POLR3H: variants seen among roughly 807,000 people sequenced by gnomAD.
POLR3H encodes DNA-directed RNA polymerase III subunit RPC8.
Under a neutral mutation model 25.5 loss-of-function variants are expected in POLR3H, and 17 were observed. That is an observed-to-expected ratio of 0.67 (90% CI 0.46 to 1.00). The LOEUF is 1.00. Ranked by LOEUF, POLR3H falls within the 50% of genes least tolerant of loss-of-function variation. The pLI is 0.00. For synonymous variants in POLR3H, 129 were observed against 103.0 expected, an observed-to-expected ratio of 1.25 and a Z score of -1.53; for missense variants, 274 against 265.0, an observed-to-expected ratio of 1.03 and a Z score of -0.24.
chr22:41,544,167 G>A lies in POLR3H; in HGVS notation c.-66C>T, dbSNP rs2066980469. 1.0e-6 allele frequency: 1 copy of A among 977,802 alleles called. No individual in the cohort carries two copies. Among genetic ancestry groups the A allele is most frequent in the South Asian group, 1.5e-5 (1 of 68,250 alleles). The allele number at this position is 977,802 out of a possible 1,614,324, so 60.6% of individuals were successfully genotyped here. On this transcript the variant is annotated 5_prime_UTR_variant, in exon 1 of 6. Transcript: ENST00000355209. ...CACGCACCAGGGCCGGGGGCAGGGA[G>A]AATCCCCGAGCCCCTTGGTCCCGTC...
At chr22:41,540,147 C>T (rs1449585481) in intron 2 of POLR3H, 1 of 222,286 alleles carries the variant, frequency 4.5e-6, no homozygotes, top group Non-Finnish European at 9.1e-6. Flanking sequence ...CACACTCTTA[C>T]CTACTGTGTC....
In POLR3H at chr22:41,532,639, G is replaced by A. The variant is rs142034191; in HGVS notation, c.295+20C>T. 4 of 1,613,974 alleles carry A rather than the reference G, an allele frequency of 2.5e-6. No individual in the cohort carries two copies. The South Asian group carries it at 3.3e-5, about 13-fold the overall frequency. On this transcript the variant is annotated intron_variant, in intron 3 of 5. Transcript: ENST00000355209. ...CACAGTGTTCCCAAGTCTTGTCTGA[G>A]GCGTCAGGGCCACTGTTACCGTGCA...
At position 41,526,234 on chromosome 22, in the gene POLR3H, C is replaced by A; in HGVS notation, c.*3049G>T. The A allele has an allele frequency of 2.5e-6, 4 of 1,602,008 alleles. No homozygotes were observed. Among genetic ancestry groups the A allele is most frequent in the Non-Finnish European group, 3.4e-6 (4 of 1,172,920 alleles). ...CCACCCCTCCAGGGCCATGCCCTGA[C>A]CTCTGTCCTCTCTACTTACCACCCA... is the stretch of plus-strand genomic sequence containing the variant. On this transcript the variant is annotated 3_prime_UTR_variant, in exon 6 of 6. Coordinates refer to ENST00000355209, the MANE Select transcript of POLR3H (RefSeq NM_001018050.4).
At position 41,528,427 on chromosome 22, in the gene POLR3H, C is replaced by A; in HGVS notation, c.*856G>T. On this transcript the variant is annotated 3_prime_UTR_variant, in exon 6 of 6. Transcript: ENST00000355209. ...TGTCTCCCTGACCCCCCTGCGGGGC[C>A]AAGGGCACACAGTACCCACCACTTC... 1 of 1,596,128 alleles carries A rather than the reference C, an allele frequency of 6.3e-7. No individual in the cohort carries two copies. The highest frequency in any genetic ancestry group is 8.5e-7 in the Non-Finnish European group (1 of 1,171,958).
Position 41,531,884 on chromosome 22 carries a change from G to A in POLR3H, c.359+210C>T, listed in dbSNP as rs544180933. On this transcript the variant is annotated intron_variant, in intron 4 of 5. Transcript: ENST00000355209. ...CCAGACAGCCAAGCCTGATGGCCCC[G>A]ACAAAGACAGGCATGTGGGCATCAC... 2.3e-3 allele frequency among the ~76,000 whole-genome samples: 355 copies of A among 152,306 alleles called. 2 individuals carry two copies. The highest frequency in any genetic ancestry group is 8.0e-3 in the African/African-American group (332 of 41,570).
intron 2 of POLR3H, among the ~76,000 whole-genome samples, chr22:41,537,748 G>A (rs548268043): frequency 4.5e-4 from 69 of 152,268 alleles, no homozygotes; most frequent in Non-Finnish European, 7.8e-4. Context: ...CAGGACAGAT[G>A]AGGGTGGGGG....
At position 41,530,170 on chromosome 22, in the gene POLR3H, C is replaced by T. The variant is rs1488377664; in HGVS notation, c.561+517G>A. Among the ~76,000 whole-genome samples, 3 of 152,034 alleles carry T rather than the reference C, an allele frequency of 2.0e-5. No individual in the cohort carries two copies. In the East Asian group the frequency reaches 5.8e-4, roughly 30 times the overall value. On this transcript the variant is annotated intron_variant, in intron 5 of 5. Coordinates refer to ENST00000355209, the MANE Select transcript of POLR3H (RefSeq NM_001018050.4). ...TTAAAGATAGCATTTCATTGTGTTGCCCAAGCTGTAATGCAGTGGCACAAC... is the reference window on the plus strand; with the variant it reads ...TTAAAGATAGCATTTCATTGTGTTGTCCAAGCTGTAATGCAGTGGCACAAC...
intron 1 of POLR3H, among the ~76,000 whole-genome samples, chr22:41,542,546 CCT>C (rs967172418): frequency 3.3e-5 from 5 of 152,166 alleles, no homozygotes; most frequent in African/African-American, 1.2e-4. Flanking sequence ...CTGCAGGTCC[CCT>C]CATTCCAGGG....
chr22:41,526,596 G>A lies in POLR3H; in HGVS notation c.*2687C>T. On this transcript the variant is annotated 3_prime_UTR_variant, in exon 6 of 6. Transcript: ENST00000355209. The stretch of plus-strand genomic sequence containing the variant: ...GGGACTGCTGTGGAAGGGAGGAGAG[G>A]CCTGCAGCCCCTCCCTGTGGCTGAG... 1 of 891,642 alleles carries A rather than the reference G, an allele frequency of 1.1e-6. No individual in the cohort carries two copies. The highest frequency in any genetic ancestry group is 1.6e-6 in the Non-Finnish European group (1 of 614,208). 55.2% of individuals were successfully genotyped at this position (891,642 alleles called of 1,614,324 possible).
At chr22:41,537,572 T>C (rs1390488594) in intron 2 of POLR3H, among the ~76,000 whole-genome samples, 1 of 152,178 alleles carries the variant, frequency 6.6e-6, no homozygotes, top group Admixed American at 6.5e-5. Context: ...AGGACTTTTA[T>C]AGCTGCAGGG....
At chr22:41,529,367 C>A in intron 5 of POLR3H, 31 bp from the exon 6 acceptor site, 1 of 1,609,540 alleles carries the variant, frequency 6.2e-7, no homozygotes, top group South Asian at 1.1e-5. Context: ...GCACATTTCA[C>A]TGACATGCTG....
intron 5 of POLR3H, among the ~76,000 whole-genome samples, chr22:41,529,945 T>C (rs181162436): frequency 0.016 from 2,449 of 151,716 alleles, 30 homozygotes; most frequent in South Asian, 0.032. Flanking sequence ...TTAGTAGAGA[T>C]GGGGTTTCAC....
intron 2 of POLR3H, among the ~76,000 whole-genome samples, chr22:41,537,996 C>T (rs755095737): frequency 3.2e-4 from 48 of 149,434 alleles, no homozygotes; most frequent in Non-Finnish European, 4.4e-4. Flanking sequence ...GATACAGTCT[C>T]ACCCTGTCGC....
At chr22:41,539,994 T>G (rs1433549456) in intron 2 of POLR3H, 1 of 165,650 alleles carries the variant, frequency 6.0e-6, no homozygotes, top group East Asian at 1.7e-4. Context: ...CACAATGGTC[T>G]TAGAATATAA....
rs549941196 is a variant in POLR3H at position 41,527,871 on chromosome 22, C to T, written c.*1412G>A. ...TGAAGCTCTCCAGGCTAGTCAGGCC[C>T]CCGATGACCGAATGCCGCCTGCTTT... On this transcript the variant is annotated 3_prime_UTR_variant, in exon 6 of 6. Coordinates refer to ENST00000355209, the MANE Select transcript of POLR3H (RefSeq NM_001018050.4). 9.0e-5 allele frequency: 145 copies of T among 1,614,084 alleles called. No homozygotes were observed. In the South Asian group the frequency reaches 1.5e-3, roughly 17 times the overall value.
rs766136622 is a variant in POLR3H, at chr22:41,527,911, G to A, written c.*1372C>T. 4 of 1,614,052 alleles carry A rather than the reference G, an allele frequency of 2.5e-6. No homozygotes were observed. The highest frequency in any genetic ancestry group is 1.3e-5 in the African/African-American group (1 of 74,918). On this transcript the variant is annotated 3_prime_UTR_variant, in exon 6 of 6. Coordinates refer to ENST00000355209, the MANE Select transcript of POLR3H (RefSeq NM_001018050.4). ...CCGCCTGCTTTCCAGAGACCAACCT[G>A]AAGAAACAGGGCCTGCTGCCTCTGA...
In POLR3H at chr22:41,540,716, C is replaced by T; in HGVS notation, c.191G>A (p.Gly64Asp). ...ATACCCACCTTTGGTGTGTGATGCG[C>T]CATCCCCAGGGAATACATAGGCATC... The part of the protein sequence containing the change: ...LEDAYVFPGD[G>D]ASHTKVHFRC... The change falls in exon 2 of 6, where the codon GGC (glycine) becomes GAC (aspartate). Residue 64 changes from glycine (G) to aspartate (D), a missense_variant. Gly to Asp is a moderately conservative substitution (Grantham distance 94). Transcript: ENST00000355209. 1 of 1,613,772 alleles carries T rather than the reference C, an allele frequency of 6.2e-7. No homozygotes were observed. Among genetic ancestry groups the T allele is most frequent in the Non-Finnish European group, 8.5e-7 (1 of 1,179,684 alleles).
chr22:41,536,143 A>G (rs2066840822), intron 2 of POLR3H, among the ~76,000 whole-genome samples: 1 of 150,576 alleles, frequency 6.6e-6, no homozygotes, highest in African/African-American at 2.4e-5. Flanking sequence ...CTGTAATCCC[A>G]GCACTTTGGG....
chr22:41,528,299 G>A lies in POLR3H; in HGVS notation c.*984C>T, dbSNP rs2066646699. On this transcript the variant is annotated 3_prime_UTR_variant, in exon 6 of 6. Transcript: ENST00000355209. ...CACTGCAGGACCCTCTGGGCCCCAG[G>A]AATCCCCTGTAGGTGCCACCTGGGT... The A allele has an allele frequency of 3.2e-6, 3 of 942,986 alleles. No individual in the cohort carries two copies. The Admixed American group carries it at 8.7e-5, about 27-fold the overall frequency. 58.4% of individuals were successfully genotyped at this position (942,986 alleles called of 1,614,324 possible).
Sources: gnomAD v4.1 joint callset for allele counts (sites outside exome capture counted in the v4.1 genomes callset) on GRCh38, gnomAD v4.1.1 for gene constraint, MANE v1.5 for transcripts, NCBI Gene and HGNC (gene_info 2026-07-23, HGNC 2026-07-21) for gene names.